The following RASSF3 variants were observed in gnomAD, a reference collection of about 807,000 sequenced individuals.
The protein encoded by RASSF3 is Ras association domain family member 3, also known as ras association domain-containing protein 3.
In RASSF3, 19 loss-of-function variants were observed where a neutral mutation model predicts 19.9. That is an observed-to-expected ratio of 0.96 (90% confidence interval 0.67 to 1.40). The LOEUF (loss-of-function observed/expected upper bound fraction) is 1.40. Ranked by LOEUF, RASSF3 falls within the 40% of genes most tolerant of loss-of-function variation. RASSF3 has a pLI of 0.00. For missense variants in RASSF3, 306 were observed against 289.8 expected (o/e 1.06, Z -0.41); for synonymous variants, 110 against 104.2 (o/e 1.06, Z -0.34).
Position 64,546,903 on chromosome 12 carries a change from AG to A in RASSF3, c.294+5199del, listed in dbSNP as rs147212367. On this transcript the variant is annotated intron_variant, in intron 2 of 5. Transcript: ENST00000637125. ...TTAAGCAGAAACTCCTAGAAGCTAT[AG>A]AATTTGGCCAAGAACCACAAAAACC... Among the ~76,000 whole-genome samples, 658 of 152,126 alleles carry A rather than the reference AG, an allele frequency of 4.3e-3. 3 individuals carry two copies. Among genetic ancestry groups the A allele is most frequent in the African/African-American group, 0.015 (625 of 41,384 alleles).
intron 1 of RASSF3, among the ~76,000 whole-genome samples, chr12:64,629,643 G>C (rs1273553845): frequency 1.3e-5 from 2 of 152,002 alleles, no homozygotes; most frequent in East Asian, 3.8e-4. Flanking sequence ...TGGAAAAGTT[G>C]GCCTATGAAA....
At chr12:64,555,795 C>T (rs1869247279) in intron 2 of RASSF3, among the ~76,000 whole-genome samples, 1 of 151,506 alleles carries the variant, frequency 6.6e-6, no homozygotes, top group South Asian at 2.1e-4. Context: ...CGGCTCATGC[C>T]TGTAATCCTA....
At chr12:64,619,084 A>T (rs1349000896) in intron 1 of RASSF3, among the ~76,000 whole-genome samples, 1 of 152,008 alleles carries the variant, frequency 6.6e-6, no homozygotes, top group Non-Finnish European at 1.5e-5. Flanking sequence ...GGCTCGCATG[A>T]TATTTTTGTT....
At chr12:64,519,694 A>G (rs1868428596) in intron 1 of RASSF3, among the ~76,000 whole-genome samples, 1 of 152,004 alleles carries the variant, frequency 6.6e-6, no homozygotes, top group African/African-American at 2.4e-5. Flanking sequence ...AAAATGGGGA[A>G]ACTTCCTTCT....
chr12:64,621,496 A>G (rs1268057455), intron 1 of RASSF3, among the ~76,000 whole-genome samples: 1 of 151,788 alleles, frequency 6.6e-6, no homozygotes, highest in African/African-American at 2.4e-5. Flanking sequence ...CATTTTTTTA[A>G]GATGGAGTTT....
At chr12:64,577,547 A>G (rs1357825388) in intron 2 of RASSF3, among the ~76,000 whole-genome samples, 2 of 150,996 alleles carry the variant, frequency 1.3e-5, no homozygotes, top group Non-Finnish European at 3.0e-5. Context: ...CCTGGCCAAC[A>G]TGGGGGAATC....
intron 2 of RASSF3, among the ~76,000 whole-genome samples, chr12:64,582,876 T>G (rs995430445): frequency 7.9e-5 from 12 of 152,224 alleles, no homozygotes; most frequent in African/African-American, 1.2e-4. Flanking sequence ...GGCCAGCGTG[T>G]ATGTCCATTT....
intron 2 of RASSF3, among the ~76,000 whole-genome samples, chr12:64,559,956 C>T (rs959168989): frequency 2.6e-5 from 4 of 152,218 alleles, no homozygotes; most frequent in Admixed American, 6.5e-5. Context: ...GCTTGGGAGA[C>T]AGTAGAGGAA....
At chr12:64,579,408 G>A (rs973342177) in intron 2 of RASSF3, among the ~76,000 whole-genome samples, 1 of 134,556 alleles carries the variant, frequency 7.4e-6, no homozygotes, top group Non-Finnish European at 1.5e-5. Flanking sequence ...CTGGAGTGCC[G>A]TGGCGCGATC....
intron 2 of RASSF3, among the ~76,000 whole-genome samples, chr12:64,576,081 G>A (rs1194051001): frequency 6.6e-6 from 1 of 151,928 alleles, no homozygotes; most frequent in African/African-American, 2.4e-5. Flanking sequence ...TAGAGACAGG[G>A]TTTCTCCATG....
intron 2 of RASSF3, among the ~76,000 whole-genome samples, chr12:64,600,033 C>CAAAAAAAAAA (rs34515445): frequency 1.6e-5 from 1 of 63,986 alleles, no homozygotes; most frequent in African/African-American, 6.6e-5. Context: ...GACTCCATCT[C>CAAAAAAAAAA]AAAAAAAAAA....
intron 2 of RASSF3, among the ~76,000 whole-genome samples, chr12:64,566,360 G>A (rs1009114086): frequency 2.0e-5 from 3 of 152,226 alleles, no homozygotes; most frequent in Non-Finnish European, 1.5e-5. Flanking sequence ...CATTTGCATG[G>A]CACTGTTACA....
intron 1 of RASSF3, among the ~76,000 whole-genome samples, chr12:64,664,672 T>A (rs1355492294): frequency 1.3e-5 from 2 of 152,214 alleles, no homozygotes; most frequent in Non-Finnish European, 2.9e-5. Flanking sequence ...CCCCACCACC[T>A]GGCTTTTTTT....
chr12:64,638,393 A>C (rs1171793372), intron 1 of RASSF3, among the ~76,000 whole-genome samples: 1 of 151,970 alleles, frequency 6.6e-6, no homozygotes, highest in African/African-American at 2.4e-5. Flanking sequence ...ATCCTGGCTA[A>C]TACGGTGAAA....
chr12:64,632,169 G>A (rs995846779), intron 1 of RASSF3, among the ~76,000 whole-genome samples: 1 of 152,104 alleles, frequency 6.6e-6, no homozygotes, highest in Non-Finnish European at 1.5e-5. Flanking sequence ...ATGAAGAGAA[G>A]CCCACACAGG....
At chr12:64,610,992 A>C (rs545364701) in intron 1 of RASSF3, among the ~76,000 whole-genome samples, 14 of 152,060 alleles carry the variant, frequency 9.2e-5, no homozygotes, top group Non-Finnish European at 1.8e-4. Context: ...TCCGCGCCAG[A>C]TGGCCTCTGC....
intron 1 of RASSF3, among the ~76,000 whole-genome samples, chr12:64,624,771 G>T (rs926573188): frequency 2.0e-5 from 3 of 152,028 alleles, no homozygotes; most frequent in Admixed American, 1.3e-4. Context: ...CCATTCTCCT[G>T]CCTCAGCATC....
At chr12:64,580,027 C>A (rs1869665059) in intron 2 of RASSF3, among the ~76,000 whole-genome samples, 1 of 151,884 alleles carries the variant, frequency 6.6e-6, no homozygotes, top group Non-Finnish European at 1.5e-5. Flanking sequence ...GTTGGCCAGG[C>A]TGGTCTTGAA....
At chr12:64,575,084 A>C (rs558978499) in intron 2 of RASSF3, among the ~76,000 whole-genome samples, 1 of 152,360 alleles carries the variant, frequency 6.6e-6, no homozygotes, top group South Asian at 2.1e-4. Context: ...AAGAAATAAC[A>C]GAAATAAGGA....
Sources: gnomAD v4.1 joint callset for allele counts (sites outside exome capture counted in the v4.1 genomes callset) on GRCh38, gnomAD v4.1.1 for gene constraint, MANE v1.5 for transcripts, NCBI Gene and HGNC (gene_info 2026-07-23, HGNC 2026-07-21) for gene names.